Variants in STON1 observed in about 807,000 individuals in gnomAD.
The protein encoded by STON1 is stonin 1.
In STON1, 79 loss-of-function variants were observed where a neutral mutation model predicts 60.9. The observed-to-expected ratio is 1.30, with a 90% confidence interval of 1.08 to 1.56. STON1 has a LOEUF of 1.56. Among genes scored for constraint, STON1 ranks in the 40% most tolerant of loss-of-function variants. The pLI is 0.00. For synonymous variants in STON1, 363 were observed against 306.9 expected, an observed-to-expected ratio of 1.18 and a Z score of -1.91; for missense variants, 1,166 against 858.9, an observed-to-expected ratio of 1.36 and a Z score of -4.47.
At chr2:48,554,311 T>A (rs1281204131) in intron 1 of STON1, among the ~76,000 whole-genome samples, 1 of 152,158 alleles carries the variant, frequency 6.6e-6, no homozygotes, top group Non-Finnish European at 1.5e-5. Context: ...AACCTCCACC[T>A]CCCTGGTTCA....
chr2:48,561,620 T>C (rs1672616876), intron 1 of STON1, among the ~76,000 whole-genome samples: 1 of 152,186 alleles, frequency 6.6e-6, no homozygotes, highest in Non-Finnish European at 1.5e-5. Context: ...TTGTAGAATG[T>C]TTAGCAGCAT....
At chr2:48,576,800 A>G (rs1558624802) in intron 1 of STON1, among the ~76,000 whole-genome samples, 1 of 152,146 alleles carries the variant, frequency 6.6e-6, no homozygotes, top group Non-Finnish European at 1.5e-5. Context: ...TCACGCCTGT[A>G]ATCCCAGCAT....
At chr2:48,591,959 G>C (rs1674542047) in intron 3 of STON1, 104 bp downstream of exon 3, 3 of 1,449,840 alleles carry the variant, frequency 2.1e-6, no homozygotes, top group Admixed American at 2.3e-5. Context: ...TATATGTGTG[G>C]TGAGATTTGC....
chr2:48,572,314 G>C (rs1673253387), intron 1 of STON1, among the ~76,000 whole-genome samples: 1 of 152,156 alleles, frequency 6.6e-6, no homozygotes, highest in African/African-American at 2.4e-5. Flanking sequence ...CAAAGGTTTG[G>C]GTTCCTATTG....
At chr2:48,530,271 A>G (rs896491520) in intron 1 of STON1, 55 bp downstream of exon 1, 1 of 340,880 alleles carries the variant, frequency 2.9e-6, no homozygotes, top group East Asian at 9.8e-5. Flanking sequence ...CCCCCTCTCC[A>G]GGGTGGGGCC....
chr2:48,561,939 C>G (rs1401843397), intron 1 of STON1, among the ~76,000 whole-genome samples: 1 of 152,222 alleles, frequency 6.6e-6, no homozygotes, highest in African/African-American at 2.4e-5. Flanking sequence ...CAGCTCATTG[C>G]AACCTCTGCC....
At chr2:48,593,644 A>T (rs548230824) in intron 3 of STON1, among the ~76,000 whole-genome samples, 2 of 152,174 alleles carry the variant, frequency 1.3e-5, no homozygotes, top group Non-Finnish European at 2.9e-5. Flanking sequence ...TTTAAAATCT[A>T]TGTGTTGCTT....
chr2:48,572,793 G>A (rs1673284349), intron 1 of STON1, among the ~76,000 whole-genome samples: 1 of 152,196 alleles, frequency 6.6e-6, no homozygotes, highest in African/African-American at 2.4e-5. Context: ...AAGAGGGTGA[G>A]ATGGAGATAT....
chr2:48,553,882 C>A lies in STON1; in HGVS notation c.-48+23666C>A, dbSNP rs1672202606. 2.0e-5 allele frequency among the ~76,000 whole-genome samples: 3 copies of A among 152,180 alleles called. No individual in the cohort carries two copies. In the South Asian group the frequency reaches 6.2e-4, roughly 32 times the overall value. ...GATAGCAGTGACTTGTTCAAACTTA[C>A]AAAGGCAGAGAGAAGCAGAGTTAGA... On this transcript the variant is annotated intron_variant, in intron 1 of 3. Transcript: ENST00000404752.
At chr2:48,552,692 C>T (rs936379930) in intron 1 of STON1, among the ~76,000 whole-genome samples, 1 of 152,256 alleles carries the variant, frequency 6.6e-6, no homozygotes, top group Admixed American at 6.5e-5. Flanking sequence ...ATCGCTTGAA[C>T]CCAGGAGGCA....
At chr2:48,577,740 T>G (rs895029969) in intron 1 of STON1, among the ~76,000 whole-genome samples, 1 of 150,634 alleles carries the variant, frequency 6.6e-6, no homozygotes, top group African/African-American at 2.4e-5. Flanking sequence ...CTCAGCCTCC[T>G]GAGTAGCTGG....
At chr2:48,573,179 T>C (rs1396044578) in intron 1 of STON1, among the ~76,000 whole-genome samples, 1 of 152,146 alleles carries the variant, frequency 6.6e-6, no homozygotes, top group Non-Finnish European at 1.5e-5. Flanking sequence ...CCAGCAGGGT[T>C]TGCATTTTTA....
chr2:48,567,690 A>G (rs1298835765), intron 1 of STON1, among the ~76,000 whole-genome samples: 1 of 152,226 alleles, frequency 6.6e-6, no homozygotes, highest in East Asian at 1.9e-4. Context: ...GGCGTGAGCC[A>G]CTGCACCTGG....
chr2:48,542,122 T>G (rs1222737411), intron 1 of STON1, among the ~76,000 whole-genome samples: 1 of 152,374 alleles, frequency 6.6e-6, no homozygotes, highest in African/African-American at 2.4e-5. Context: ...CGTGTGTCTC[T>G]AACAGTGCAG....
chr2:48,559,869 A>T (rs890660530), intron 1 of STON1, among the ~76,000 whole-genome samples: 15 of 152,020 alleles, frequency 9.9e-5, no homozygotes, highest in Admixed American at 4.6e-4. Flanking sequence ...TTTGGCCAAC[A>T]TTTCCCCAAG....
At chr2:48,539,878 G>C (rs1448122556) in intron 1 of STON1, among the ~76,000 whole-genome samples, 2 of 152,002 alleles carry the variant, frequency 1.3e-5, no homozygotes, top group Admixed American at 6.6e-5. Context: ...TGTTTTCTCA[G>C]GTTAGTAAAT....
chr2:48,555,481 C>T (rs1246853060), intron 1 of STON1, among the ~76,000 whole-genome samples: 15 of 95,004 alleles, frequency 1.6e-4, no homozygotes, highest in African/African-American at 5.0e-4. Flanking sequence ...CCGGACGGGG[C>T]GGCTGGCCGG....
chr2:48,567,715 T>A (rs1673006963), intron 1 of STON1, among the ~76,000 whole-genome samples: 1 of 152,148 alleles, frequency 6.6e-6, no homozygotes, highest in Non-Finnish European at 1.5e-5. Context: ...GAATGGTATT[T>A]TAAATACTGT....
rs1038579774 is a variant in STON1, at chr2:48,597,648, C to G, written c.*2346C>G. On this transcript the variant is annotated 3_prime_UTR_variant, in exon 4 of 4. Coordinates refer to ENST00000404752, the MANE Select transcript of STON1 (RefSeq NM_006873.4). Reference sequence around the variant, plus strand: ...TATAATAGCAAAAGCTGGACTAAAGCCCAAATGGATTGTCTGTGGCAATGC... The same window carrying G: ...TATAATAGCAAAAGCTGGACTAAAGGCCAAATGGATTGTCTGTGGCAATGC... The G allele has an allele frequency of 1.3e-5, 2 of 152,576 alleles. No homozygotes were observed. The allele number at this position is 152,576 out of a possible 1,614,324, so 9.5% of individuals were successfully genotyped here. A position where few individuals can be genotyped will look rare whatever the true frequency, so the allele number is the denominator to read the frequency against.
Sources: allele counts gnomAD v4.1 joint callset (sites outside exome capture counted in the v4.1 genomes callset), GRCh38; gene constraint gnomAD v4.1.1; transcripts MANE v1.5; gene names NCBI Gene and HGNC (gene_info 2026-07-23, HGNC 2026-07-21).